NDUFAF6: variants seen among roughly 807,000 people sequenced by gnomAD.
The protein encoded by NDUFAF6 is NADH:ubiquinone oxidoreductase complex assembly factor 6, also known as NADH dehydrogenase (ubiquinone) complex I, assembly factor 6.
In NDUFAF6, 45 loss-of-function variants were observed where a neutral mutation model predicts 40.8. The observed-to-expected ratio is 1.10, with a 90% CI of 0.87 to 1.42. The LOEUF (loss-of-function observed/expected upper bound fraction) is 1.42, where lower values mean the gene tolerates loss of function less well. Ranked by LOEUF, NDUFAF6 falls within the 40% of genes most tolerant of loss-of-function variation. NDUFAF6 has a pLI of 0.00. For synonymous variants in NDUFAF6, 185 were observed against 155.9 expected, an observed-to-expected ratio of 1.19 and a Z score of -1.39; for missense variants, 435 against 418.5, an observed-to-expected ratio of 1.04 and a Z score of -0.34.
intron 2 of NDUFAF6, among the ~76,000 whole-genome samples, chr8:94,982,184 A>C (rs1825502372): frequency 6.6e-6 from 1 of 152,076 alleles, no homozygotes; most frequent in Non-Finnish European, 1.5e-5. Context: ...GTGAGCTGAG[A>C]TCATGCCACT....
intron 1 of NDUFAF6, chr8:94,941,231 C>T: frequency 3.6e-6 from 1 of 281,308 alleles, no homozygotes; most frequent in Non-Finnish European, 6.6e-6. Context: ...CTGCAGGAGT[C>T]AAACACAAGA....
intron 1 of NDUFAF6, chr8:94,940,941 T>C (rs770134331): frequency 4.1e-5 from 66 of 1,611,348 alleles, no homozygotes; most frequent in Non-Finnish European, 4.7e-5. Flanking sequence ...CTCTGGAACA[T>C]TGTTAAGGCA....
At chr8:94,947,836 G>C (rs1409528610) in intron 2 of NDUFAF6, among the ~76,000 whole-genome samples, 1 of 152,232 alleles carries the variant, frequency 6.6e-6, no homozygotes, top group Non-Finnish European at 1.5e-5. Flanking sequence ...ACAGAAATTA[G>C]TAAGGTCCTG....
upstream of NDUFAF6, among the ~76,000 whole-genome samples, chr8:94,955,507 T>G (rs182964097): frequency 1.8e-4 from 27 of 152,368 alleles, no homozygotes; most frequent in African/African-American, 6.5e-4. Flanking sequence ...GATTTAGTTT[T>G]TAACACATGA....
intron 2 of NDUFAF6, among the ~76,000 whole-genome samples, chr8:94,982,304 G>A (rs144359489): frequency 6.6e-6 from 1 of 152,156 alleles, no homozygotes; most frequent in African/African-American, 2.4e-5. Flanking sequence ...TGTCACAATT[G>A]CCTACAATAT....
intron 5 of NDUFAF6, among the ~76,000 whole-genome samples, chr8:95,046,306 A>G (rs1830764732): frequency 6.6e-6 from 1 of 152,116 alleles, no homozygotes; most frequent in African/African-American, 2.4e-5. Context: ...CGGCCTCCCA[A>G]AGTGCTGGGA....
intron 2 of NDUFAF6, among the ~76,000 whole-genome samples, chr8:95,094,304 C>G (rs117804604): frequency 6.6e-6 from 1 of 151,780 alleles, no homozygotes; most frequent in African/African-American, 2.4e-5. Flanking sequence ...CCTTCCTCTT[C>G]CACTTCCTTT....
At position 94,914,080 on chromosome 8, in the gene NDUFAF6, G is replaced by A. The variant is rs149027644; in HGVS notation, c.-936+18153G>A. Among the ~76,000 whole-genome samples, 617 of 150,260 alleles carry A rather than the reference G, an allele frequency of 4.1e-3. 2 individuals carry two copies. Among genetic ancestry groups the A allele is most frequent in the African/African-American group, 0.014 (560 of 40,776 alleles). On this transcript the variant is annotated intron_variant, in intron 1 of 14. Coordinates refer to the NDUFAF6 transcript ENST00000396113. ...GTTGGGATTACAGGCGTGAGCCACCGCGCCCGGCCTGAGACCTTATCTCTT... is the reference window on the plus strand; with the variant it reads ...GTTGGGATTACAGGCGTGAGCCACCACGCCCGGCCTGAGACCTTATCTCTT...
intron 8 of NDUFAF6, among the ~76,000 whole-genome samples, chr8:95,056,925 TAATG>T (rs776180890): frequency 2.0e-3 from 296 of 150,130 alleles, no homozygotes; most frequent in Middle Eastern, 0.014. Flanking sequence ...AAAAAGTAGA[TAATG>T]AATTTGTTTG....
At chr8:94,956,089 G>C (rs1823044952), upstream of NDUFAF6, among the ~76,000 whole-genome samples, 1 of 152,168 alleles carries the variant, frequency 6.6e-6, no homozygotes, top group African/African-American at 2.4e-5. Context: ...AATGACTTTA[G>C]GCTTGACCTC....
At chr8:94,976,182 G>A (rs1279932450) in intron 1 of NDUFAF6, among the ~76,000 whole-genome samples, 5 of 121,742 alleles carry the variant, frequency 4.1e-5, no homozygotes, top group African/African-American at 1.3e-4. Flanking sequence ...CTGGGTGACA[G>A]AGACTGTGTC....
At chr8:94,904,667 A>T in intron 1 of NDUFAF6, among the ~76,000 whole-genome samples, 1 of 150,036 alleles carries the variant, frequency 6.7e-6, no homozygotes. Flanking sequence ...GTTCCTTGTC[A>T]TTTGTTTTTT....
At chr8:94,977,522 TAAA>T (rs748596014) in intron 1 of NDUFAF6, among the ~76,000 whole-genome samples, 50 of 104,806 alleles carry the variant, frequency 4.8e-4, no homozygotes, top group South Asian at 2.2e-3. Flanking sequence ...ACCCTGTCTC[TAAA>T]AAAAAAAAAA....
chr8:95,093,819 T>C (rs1281359287), intron 2 of NDUFAF6, among the ~76,000 whole-genome samples: 1 of 152,240 alleles, frequency 6.6e-6, no homozygotes, highest in Non-Finnish European at 1.5e-5. Flanking sequence ...ATATTAAGTA[T>C]TCAGTTAATG....
intron 1 of NDUFAF6, among the ~76,000 whole-genome samples, chr8:94,913,928 A>C (rs576246015): frequency 1.3e-5 from 2 of 152,038 alleles, no homozygotes; most frequent in African/African-American, 4.8e-5. Flanking sequence ...AGTAGCTGAG[A>C]CTACAGGCAT....
intron 4 of NDUFAF6, among the ~76,000 whole-genome samples, chr8:95,045,186 T>C (rs1282000666): frequency 6.6e-6 from 1 of 152,136 alleles, no homozygotes; most frequent in African/African-American, 2.4e-5. Flanking sequence ...GAGGGGGGGT[T>C]GTTTGGGTTA....
At chr8:94,970,966 G>C (rs933936992) in intron 1 of NDUFAF6, among the ~76,000 whole-genome samples, 1 of 152,198 alleles carries the variant, frequency 6.6e-6, no homozygotes, top group Admixed American at 6.5e-5. Context: ...ACAGGCATGA[G>C]CCAGCACAAC....
chr8:95,002,561 G>A (rs1011585159), intron 2 of NDUFAF6, among the ~76,000 whole-genome samples: 1 of 152,160 alleles, frequency 6.6e-6, no homozygotes, highest in East Asian at 1.9e-4. Flanking sequence ...GTGCTACCAG[G>A]AATCACAGGC....
chr8:95,105,074 G>C (rs1179158983), downstream of NDUFAF6, among the ~76,000 whole-genome samples: 822 of 14,502 alleles, frequency 0.057, 6 homozygotes, highest in African/African-American at 0.17. Flanking sequence ...CACAGAGAGA[G>C]AGAGAGAGAG....
Sources: gnomAD v4.1 joint callset for allele counts (sites outside exome capture counted in the v4.1 genomes callset) on GRCh38, gnomAD v4.1.1 for gene constraint, MANE v1.5 for transcripts, NCBI Gene and HGNC (gene_info 2026-07-23, HGNC 2026-07-21) for gene names.